The following AK5 variants were observed in gnomAD, a reference collection of about 807,000 sequenced individuals.
The protein encoded by AK5 is adenylate kinase 5.
AK5 carries 27 observed loss-of-function variants against 69.5 expected under a neutral mutation model. That is an observed-to-expected ratio of 0.39 (90% CI 0.29 to 0.54). The LOEUF (loss-of-function observed/expected upper bound fraction) is 0.54. Ranked by LOEUF, AK5 falls within the 20% of genes least tolerant of loss-of-function variation. AK5 has a pLI of 0.71. For synonymous variants in AK5, 260 were observed against 244.4 expected (o/e 1.06, Z -0.60); for missense variants, 531 against 700.4 (o/e 0.76, Z 2.73).
At chr1:77,322,989 CTT>C (rs11347735) in intron 5 of AK5, among the ~76,000 whole-genome samples, 2 of 147,192 alleles carry the variant, frequency 1.4e-5, no homozygotes, top group South Asian at 2.2e-4. Flanking sequence ...TTTTTCTTTT[CTT>C]TTTTTTTTTC....
rs555801868 is a variant in AK5 at position 77,422,894 on chromosome 1, C to T, written c.1059+5179C>T. On this transcript the variant is annotated intron_variant, in intron 8 of 13. Transcript: ENST00000354567. ...CCCTTTTGGGCCTCAATTTTCCCTT[C>T]GAGAAAATGGTGGTGACAACCCCAC... is the stretch of plus-strand genomic sequence containing the variant. Among the ~76,000 whole-genome samples the T allele has an allele frequency of 7.2e-5, 11 of 152,168 alleles. No homozygotes were observed. In the South Asian group the frequency reaches 8.3e-4, roughly 11 times the overall value.
chr1:77,477,911 C>T (rs1390206834), intron 8 of AK5, among the ~76,000 whole-genome samples: 2 of 152,210 alleles, frequency 1.3e-5, no homozygotes, highest in Admixed American at 6.5e-5. Context: ...TTACTTCTTT[C>T]TCCTTCTCAG....
chr1:77,386,885 C>T (rs1044179129), intron 6 of AK5, among the ~76,000 whole-genome samples: 3 of 152,064 alleles, frequency 2.0e-5, no homozygotes, highest in Non-Finnish European at 2.9e-5. Flanking sequence ...ATTTTTTTCA[C>T]TTCCTACCTC....
chr1:77,286,053 CAGA>C (rs1400282880), intron 1 of AK5, among the ~76,000 whole-genome samples: 4 of 152,186 alleles, frequency 2.6e-5, no homozygotes, highest in African/African-American at 7.2e-5. Context: ...CATGGGAACA[CAGA>C]AGAAGGGGTT....
At chr1:77,499,038 G>C (rs1444131248) in intron 10 of AK5, among the ~76,000 whole-genome samples, 3 of 152,152 alleles carry the variant, frequency 2.0e-5, no homozygotes, top group Non-Finnish European at 4.4e-5. Context: ...TCTTGCAGTT[G>C]TCAACAACCC....
chr1:77,493,271 T>TGC (rs1470693055), intron 10 of AK5, among the ~76,000 whole-genome samples: 3 of 152,044 alleles, frequency 2.0e-5, no homozygotes, highest in Non-Finnish European at 2.9e-5. Context: ...AAGATGAATT[T>TGC]GCTCTCTCTC....
intron 13 of AK5, among the ~76,000 whole-genome samples, chr1:77,557,670 A>AAT (rs1469145174): frequency 6.6e-6 from 1 of 151,720 alleles, no homozygotes; most frequent in Admixed American, 6.6e-5. Context: ...CTCATCCCTC[A>AAT]ATCTCTCCCC....
At chr1:77,340,252 T>G in intron 5 of AK5, 125 bp from the exon 6 acceptor site, 2 of 891,686 alleles carry the variant, frequency 2.2e-6, no homozygotes, top group South Asian at 3.8e-5. Context: ...GGAAATACAC[T>G]GTCAAAAACA....
chr1:77,335,530 T>TA (rs199916489), intron 5 of AK5, among the ~76,000 whole-genome samples: 1,854 of 152,300 alleles, frequency 0.012, 45 homozygotes, highest in African/African-American at 0.042. Flanking sequence ...GTGAATTTCT[T>TA]AAAAACTTTC....
intron 2 of AK5, among the ~76,000 whole-genome samples, chr1:77,288,121 T>C (rs946793753): frequency 6.6e-6 from 1 of 152,174 alleles, no homozygotes; most frequent in Non-Finnish European, 1.5e-5. Flanking sequence ...ATAAAGGAAG[T>C]TGGAGAAGTA....
chr1:77,426,969 G>A (rs1651253429), intron 8 of AK5, among the ~76,000 whole-genome samples: 1 of 152,056 alleles, frequency 6.6e-6, no homozygotes, highest in Non-Finnish European at 1.5e-5. Context: ...TTTGTGAGAT[G>A]CACCAAAAGC....
intron 8 of AK5, among the ~76,000 whole-genome samples, chr1:77,444,048 A>G (rs946413502): frequency 8.0e-5 from 12 of 150,316 alleles, no homozygotes; most frequent in Non-Finnish European, 1.3e-4. Context: ...TCACTTATTC[A>G]TCCTACATAT....
intron 5 of AK5, among the ~76,000 whole-genome samples, chr1:77,300,538 G>A (rs1659273956): frequency 6.6e-6 from 1 of 152,170 alleles, no homozygotes; most frequent in East Asian, 1.9e-4. Flanking sequence ...TACACCCTGT[G>A]TAGGCTTAAG....
chr1:77,351,120 G>A (rs942634153), intron 6 of AK5, among the ~76,000 whole-genome samples: 25 of 152,278 alleles, frequency 1.6e-4, no homozygotes, highest in Admixed American at 7.2e-4. Context: ...TGGGCCGGGC[G>A]CGGTGGCTCA....
chr1:77,447,839 A>G (rs1275149538), intron 8 of AK5, among the ~76,000 whole-genome samples: 1 of 152,228 alleles, frequency 6.6e-6, no homozygotes, highest in African/African-American at 2.4e-5. Context: ...AGGATTGGGT[A>G]GTATGCAAAA....
chr1:77,477,409 A>G (rs1655013904), intron 8 of AK5, among the ~76,000 whole-genome samples: 3 of 152,126 alleles, frequency 2.0e-5, no homozygotes, highest in Non-Finnish European at 1.5e-5. Context: ...AACTTACACG[A>G]TATTTTTTTG....
intron 5 of AK5, among the ~76,000 whole-genome samples, chr1:77,334,533 C>T (rs1286015732): frequency 6.6e-6 from 1 of 151,788 alleles, no homozygotes; most frequent in Non-Finnish European, 1.5e-5. Flanking sequence ...TCAAATATTG[C>T]TTCTTCATTT....
intron 6 of AK5, among the ~76,000 whole-genome samples, chr1:77,357,244 G>A (rs1662580889): frequency 6.6e-6 from 1 of 151,304 alleles, no homozygotes; most frequent in South Asian, 2.1e-4. Flanking sequence ...AGTTTGGTAT[G>A]GTGATCCAAG....
chr1:77,553,347 G>A (rs982081349), intron 13 of AK5, among the ~76,000 whole-genome samples: 1 of 152,290 alleles, frequency 6.6e-6, no homozygotes, highest in Non-Finnish European at 1.5e-5. Context: ...CTACCACTTG[G>A]TGAGGACAAG....
Sources: gnomAD v4.1 joint callset for allele counts (sites outside exome capture counted in the v4.1 genomes callset) on GRCh38, gnomAD v4.1.1 for gene constraint, MANE v1.5 for transcripts, NCBI Gene and HGNC (gene_info 2026-07-23, HGNC 2026-07-21) for gene names.